MOSMO: variants seen among roughly 807,000 people sequenced by gnomAD.
The protein encoded by MOSMO is modulator of smoothened protein.
A neutral mutation model predicts 18.4 loss-of-function variants in MOSMO; 5 were observed. The observed-to-expected ratio is 0.27, with a 90% CI of 0.14 to 0.57. MOSMO has a LOEUF of 0.57. Ranked by LOEUF, MOSMO falls within the 20% of genes least tolerant of loss-of-function variation. The probability of loss-of-function intolerance (pLI) is 0.92; values close to 1 mark genes in which losing one functional copy is unlikely to be tolerated. For synonymous variants in MOSMO, 82 were observed against 82.3 expected, an observed-to-expected ratio of 1.00 and a Z score of 0.02; for missense variants, 138 against 211.8, an observed-to-expected ratio of 0.65 and a Z score of 2.16.
intron 1 of MOSMO, among the ~76,000 whole-genome samples, chr16:22,030,091 A>G (rs946605532): frequency 2.7e-5 from 4 of 150,636 alleles, no homozygotes; most frequent in African/African-American, 9.8e-5. Flanking sequence ...ATATTGAAGC[A>G]CATTCAAACT....
chr16:22,022,400 A>G (rs1239914965), intron 1 of MOSMO, among the ~76,000 whole-genome samples: 1 of 152,206 alleles, frequency 6.6e-6, no homozygotes, highest in South Asian at 2.1e-4. Context: ...AGCTCAGTGC[A>G]CTAAGAGTAT....
intron 1 of MOSMO, among the ~76,000 whole-genome samples, chr16:22,056,147 G>C (rs186302797): frequency 1.3e-5 from 2 of 152,136 alleles, no homozygotes; most frequent in Admixed American, 1.3e-4. Flanking sequence ...AGTAAGCCTG[G>C]ATACCCTGTG....
chr16:22,032,601 A>G (rs1410822581), intron 1 of MOSMO, among the ~76,000 whole-genome samples: 1 of 152,160 alleles, frequency 6.6e-6, no homozygotes, highest in African/African-American at 2.4e-5. Flanking sequence ...GCTGGAGTGC[A>G]GTGACCCCAA....
downstream of MOSMO, among the ~76,000 whole-genome samples, chr16:22,089,626 C>G (rs1487215820): frequency 1.3e-5 from 2 of 150,298 alleles, no homozygotes; most frequent in African/African-American, 2.5e-5. Context: ...CCACCCCACC[C>G]CCCGCCACCA....
At chr16:22,010,614 G>A (rs1056610900) in intron 1 of MOSMO, among the ~76,000 whole-genome samples, 2 of 152,106 alleles carry the variant, frequency 1.3e-5, no homozygotes, top group African/African-American at 4.8e-5. Flanking sequence ...ATAGCATAAC[G>A]TTCCTAAGAT....
intron 1 of MOSMO, among the ~76,000 whole-genome samples, chr16:22,019,515 G>T (rs1164833470): frequency 6.6e-6 from 1 of 152,086 alleles, no homozygotes. Context: ...TGTGGTACTT[G>T]CCCTATTTTC....
intron 1 of MOSMO, among the ~76,000 whole-genome samples, chr16:22,023,005 G>A (rs1899796063): frequency 6.6e-6 from 1 of 152,122 alleles, no homozygotes; most frequent in Non-Finnish European, 1.5e-5. Context: ...GATAATCACA[G>A]GTAGCCTACA....
At chr16:22,010,288 C>T (rs185175901) in intron 1 of MOSMO, among the ~76,000 whole-genome samples, 1 of 152,266 alleles carries the variant, frequency 6.6e-6, no homozygotes, top group African/African-American at 2.4e-5. Flanking sequence ...AGGATGGTTT[C>T]GAATTTGGTG....
intron 1 of MOSMO, among the ~76,000 whole-genome samples, chr16:22,065,039 G>T (rs1306780397): frequency 6.6e-6 from 1 of 152,208 alleles, no homozygotes; most frequent in Non-Finnish European, 1.5e-5. Flanking sequence ...TGTTGTACTT[G>T]TCAATAAAGC....
chr16:22,063,413 CT>C (rs964553171), intron 1 of MOSMO, among the ~76,000 whole-genome samples: 1 of 152,170 alleles, frequency 6.6e-6, no homozygotes, highest in African/African-American at 2.4e-5. Context: ...ATCCTTTGCT[CT>C]TGTGACTTTA....
At chr16:22,043,628 A>G (rs1208679751) in intron 1 of MOSMO, among the ~76,000 whole-genome samples, 1 of 152,212 alleles carries the variant, frequency 6.6e-6, no homozygotes, top group African/African-American at 2.4e-5. Context: ...GAGAAATGCA[A>G]AATTATACCT....
rs150461984 is a variant in MOSMO, at chr16:22,058,228, C to T, written c.107-17259C>T. Among the ~76,000 whole-genome samples the T allele has an allele frequency of 5.4e-3, 820 of 152,040 alleles. 5 individuals are homozygous for T. Among genetic ancestry groups the T allele is most frequent in the Middle Eastern group, 0.014 (4 of 294 alleles). ...AGATCACAAGGTCAGGCGTTTAGGA[C>T]CAGCCTAGCCAACATGGTGAAACCC... On this transcript the variant is annotated intron_variant, in intron 1 of 2. Transcript: ENST00000542527.
intron 1 of MOSMO, among the ~76,000 whole-genome samples, chr16:22,020,715 C>T (rs761845640): frequency 1.3e-5 from 2 of 152,224 alleles, no homozygotes; most frequent in Non-Finnish European, 2.9e-5. Flanking sequence ...GAAATACTTA[C>T]TTCTGCAACA....
rs1428018113 is a variant in MOSMO at position 22,028,367 on chromosome 16, T to TG, written c.106+19961dup. Reference sequence around the variant, plus strand: ...ATTTGAAAAGAGAGGATCTTTTTTATGTTTTTTTTTTTTAATTTTGATAAA... The same window carrying TG: ...ATTTGAAAAGAGAGGATCTTTTTTATGGTTTTTTTTTTTTAATTTTGATAAA... On this transcript the variant is annotated intron_variant, in intron 1 of 2. Transcript: ENST00000542527. 6.1e-5 allele frequency among the ~76,000 whole-genome samples: 6 copies of TG among 98,930 alleles called. No individual in the cohort carries two copies. In the East Asian group the frequency reaches 1.6e-3, roughly 26 times the overall value. 64.9% of individuals were successfully genotyped at this position (98,930 alleles called of 152,430 possible). A position where few individuals can be genotyped will look rare whatever the true frequency, so the allele number is the denominator to read the frequency against.
chr16:22,066,608 G>A (rs932023070), intron 1 of MOSMO, among the ~76,000 whole-genome samples: 5 of 152,164 alleles, frequency 3.3e-5, no homozygotes, highest in African/African-American at 1.2e-4. Flanking sequence ...CCTCAGCAAA[G>A]GCTGAGAGTC....
chr16:22,029,301 A>G (rs1899947227), intron 1 of MOSMO, among the ~76,000 whole-genome samples: 1 of 152,242 alleles, frequency 6.6e-6, no homozygotes, highest in African/African-American at 2.4e-5. Context: ...CATAAAATGA[A>G]ATAGGGTTGC....
chr16:22,046,892 AT>A (rs1431499008), intron 1 of MOSMO, among the ~76,000 whole-genome samples: 3 of 152,134 alleles, frequency 2.0e-5, no homozygotes, highest in African/African-American at 7.2e-5. Flanking sequence ...TTGCAGATAA[AT>A]TTTAGTGAGT....
downstream of MOSMO, chr16:22,090,264 A>T (rs1238617602): frequency 6.6e-6 from 1 of 152,258 alleles, no homozygotes; most frequent in African/African-American, 2.4e-5. Context: ...AAAGGAAGAC[A>T]GTTCTGTTAA....
intron 1 of MOSMO, among the ~76,000 whole-genome samples, chr16:22,015,286 T>A (rs1899615125): frequency 6.6e-6 from 1 of 152,120 alleles, no homozygotes. Flanking sequence ...GCTCTTGCTG[T>A]GTTTCCCAGG....
Sources: gnomAD v4.1 joint callset for allele counts (sites outside exome capture counted in the v4.1 genomes callset) on GRCh38, gnomAD v4.1.1 for gene constraint, MANE v1.5 for transcripts, NCBI Gene and HGNC (gene_info 2026-07-23, HGNC 2026-07-21) for gene names.